SENP6: variants seen among roughly 807,000 people sequenced by gnomAD.
SENP6 encodes SUMO specific peptidase 6, also known as sentrin-specific protease 6.
In SENP6, 41 loss-of-function variants were observed where a neutral mutation model predicts 134.5. The observed-to-expected ratio is 0.30, with a 90% confidence interval of 0.24 to 0.40. SENP6 has a LOEUF of 0.40. Ranked by LOEUF, SENP6 falls within the 10% of genes least tolerant of loss-of-function variation. SENP6 has a pLI of 1.00. For missense variants in SENP6, 1,248 were observed against 1,312.5 expected, an observed-to-expected ratio of 0.95 and a Z score of 0.76; for synonymous variants, 395 against 429.8, an observed-to-expected ratio of 0.92 and a Z score of 1.00.
chr6:75,666,842 T>C lies in SENP6; in HGVS notation c.1125T>C (p.Asn375=). ...PSTGKVEAAL[N]ENTCRAEREL... ...CTGGAAAAGTAGAAGCAGCGCTAAA[T>C]GAAAATACTTGCAGAGCAGAGCGTG... The change falls in exon 10 of 24, where the codon AAT becomes AAC. Residue 375 remains asparagine, a synonymous_variant. Coordinates refer to ENST00000447266, the MANE Select transcript of SENP6 (RefSeq NM_015571.4). 6.2e-7 allele frequency: 1 copy of C among 1,613,778 alleles called. No homozygotes were observed. The highest frequency in any genetic ancestry group is 8.5e-7 in the Non-Finnish European group (1 of 1,179,730).
At chr6:75,653,951 T>C (rs933119933) in intron 7 of SENP6, among the ~76,000 whole-genome samples, 1 of 152,136 alleles carries the variant, frequency 6.6e-6, no homozygotes, top group Admixed American at 6.5e-5. Flanking sequence ...AGGCCAAGCA[T>C]GGTGGCTCAC....
intron 1 of SENP6, among the ~76,000 whole-genome samples, chr6:75,608,537 A>G (rs1218029536): frequency 6.6e-6 from 1 of 152,060 alleles, no homozygotes; most frequent in African/African-American, 2.4e-5. Context: ...AAAGAGAGGA[A>G]GGAAAGAAAG....
intron 5 of SENP6, among the ~76,000 whole-genome samples, chr6:75,639,052 TCAAAAA>T (rs1769825056): frequency 6.6e-6 from 1 of 152,058 alleles, no homozygotes; most frequent in South Asian, 2.1e-4. Flanking sequence ...CCCTGTCATC[TCAAAAA>T]CAAAAACAAG....
At chr6:75,657,941 A>C (rs1472856231) in intron 7 of SENP6, among the ~76,000 whole-genome samples, 1 of 152,112 alleles carries the variant, frequency 6.6e-6, no homozygotes, top group East Asian at 1.9e-4. Flanking sequence ...TGAAACAGGA[A>C]CTTCTGCTTG....
At chr6:75,632,905 G>A (rs1167575016) in intron 3 of SENP6, among the ~76,000 whole-genome samples, 1 of 152,036 alleles carries the variant, frequency 6.6e-6, no homozygotes, top group African/African-American at 2.4e-5. Flanking sequence ...ACAATTAGGA[G>A]GTGAGTAGAT....
chr6:75,675,687 GT>G (rs754786414), intron 12 of SENP6, 172 bp from the exon 13 acceptor site: 12 of 799,896 alleles, frequency 1.5e-5, no homozygotes. Flanking sequence ...AAATAAAAAA[GT>G]TTCTTTAAGG....
chr6:75,673,951 G>A (rs1171611996), intron 11 of SENP6, among the ~76,000 whole-genome samples: 1 of 151,886 alleles, frequency 6.6e-6, no homozygotes, highest in East Asian at 2.0e-4. Context: ...AACCCGGGAG[G>A]TGGAGGTTGC....
At chr6:75,635,076 AT>A (rs1289458374) in intron 5 of SENP6, 1 of 495,130 alleles carries the variant, frequency 2.0e-6, no homozygotes, top group Non-Finnish European at 3.8e-6. Flanking sequence ...ACTGAAACTG[AT>A]TTACAATATT....
At chr6:75,658,907 G>A (rs1293517127) in intron 7 of SENP6, among the ~76,000 whole-genome samples, 3 of 136,260 alleles carry the variant, frequency 2.2e-5, no homozygotes, top group Non-Finnish European at 4.6e-5. Context: ...AGGTGTTTGA[G>A]ATTAGAGTGA....
chr6:75,605,883 A>G (rs1413779098), intron 1 of SENP6, among the ~76,000 whole-genome samples: 1 of 152,204 alleles, frequency 6.6e-6, no homozygotes, highest in Non-Finnish European at 1.5e-5. Flanking sequence ...GTAGTAGTCA[A>G]GGTAGAAGTG....
At chr6:75,669,011 C>G (rs976725209) in intron 10 of SENP6, among the ~76,000 whole-genome samples, 10 of 152,128 alleles carry the variant, frequency 6.6e-5, no homozygotes, top group Non-Finnish European at 1.5e-4. Context: ...CAGCTAAAAA[C>G]AAAACAAAAC....
intron 7 of SENP6, among the ~76,000 whole-genome samples, chr6:75,652,096 G>A (rs1327534714): frequency 6.6e-6 from 1 of 151,972 alleles, no homozygotes; most frequent in East Asian, 1.9e-4. Context: ...AGGATCACTT[G>A]AGCCCAGCAG....
chr6:75,692,207 G>A (rs1216216907), intron 16 of SENP6, among the ~76,000 whole-genome samples: 1 of 152,122 alleles, frequency 6.6e-6, no homozygotes, highest in African/African-American at 2.4e-5. Context: ...TCTAAAATGA[G>A]AGATATGATT....
intron 16 of SENP6, among the ~76,000 whole-genome samples, chr6:75,687,554 T>C (rs139717015): frequency 0.036 from 5,424 of 152,338 alleles, 115 homozygotes; most frequent in Non-Finnish European, 0.053. Flanking sequence ...CTTTGGTCTT[T>C]GATGTTGGTG....
intron 5 of SENP6, among the ~76,000 whole-genome samples, chr6:75,635,962 C>T (rs184321257): frequency 2.4e-4 from 36 of 152,084 alleles, no homozygotes; most frequent in Non-Finnish European, 4.4e-4. Flanking sequence ...AAAATTATTA[C>T]ATTATTTTTG....
Position 75,678,537 on chromosome 6 carries a change from C to T in SENP6, c.1849-46C>T, listed in dbSNP as rs1773247647. 8 of 938,568 alleles carry T rather than the reference C, an allele frequency of 8.5e-6. No homozygotes were observed. In the South Asian group the frequency reaches 1.2e-4, roughly 14 times the overall value. The allele number at this position is 938,568 out of a possible 1,614,324, so 58.1% of individuals were successfully genotyped here. A position where few individuals can be genotyped will look rare whatever the true frequency, so the allele number is the denominator to read the frequency against. On this transcript the variant is annotated intron_variant, in intron 14 of 23. Transcript: ENST00000447266. ...CTTGTGCTTACCCTTTTTATTGAAA[C>T]TTTTCCTAATTGACTGTAAATTGCT...
intron 1 of SENP6, among the ~76,000 whole-genome samples, chr6:75,616,925 G>A (rs1767893290): frequency 6.6e-6 from 1 of 152,196 alleles, no homozygotes; most frequent in South Asian, 2.1e-4. Flanking sequence ...TTGCTGTGGT[G>A]TGATCATGGC....
intron 3 of SENP6, among the ~76,000 whole-genome samples, chr6:75,629,519 C>T (rs1308956892): frequency 6.6e-6 from 1 of 151,924 alleles, no homozygotes; most frequent in African/African-American, 2.4e-5. Flanking sequence ...AGGCTGGTCT[C>T]GAACTCCAGA....
intron 3 of SENP6, 29 bp from the exon 4 acceptor site, chr6:75,633,552 G>A: frequency 1.3e-6 from 2 of 1,559,178 alleles, no homozygotes; most frequent in African/African-American, 2.8e-5. Flanking sequence ...TAGCATTTTT[G>A]ACTCATATTT....
Sources: allele counts gnomAD v4.1 joint callset (sites outside exome capture counted in the v4.1 genomes callset), GRCh38; gene constraint gnomAD v4.1.1; transcripts MANE v1.5; gene names NCBI Gene and HGNC (gene_info 2026-07-23, HGNC 2026-07-21).